The following DDAH1 variants were observed in gnomAD, a reference collection of about 807,000 sequenced individuals.
DDAH1 encodes N(G),N(G)-dimethylarginine dimethylaminohydrolase 1.
A neutral mutation model predicts 28.8 loss-of-function variants in DDAH1; 19 were observed. The ratio of observed to expected loss-of-function variants is 0.66; its 90% CI spans 0.46 to 0.97. The LOEUF (loss-of-function observed/expected upper bound fraction) is 0.97. Among genes scored for constraint, DDAH1 ranks in the 50% least tolerant of loss-of-function variants. The probability of loss-of-function intolerance (pLI) is 0.00; values close to 1 mark genes in which losing one functional copy is unlikely to be tolerated. For missense variants in DDAH1, 326 were observed against 375.9 expected, an observed-to-expected ratio of 0.87 and a Z score of 1.10; for synonymous variants, 153 against 154.4, an observed-to-expected ratio of 0.99 and a Z score of 0.07.
chr1:85,572,902 T>A (rs1258085900), intron 1 of DDAH1, among the ~76,000 whole-genome samples: 1 of 152,270 alleles, frequency 6.6e-6, no homozygotes, highest in African/African-American at 2.4e-5. Flanking sequence ...CCAGAATACC[T>A]GGCTGGATGG....
chr1:85,395,345 T>C (rs1184498234), intron 1 of DDAH1, among the ~76,000 whole-genome samples: 6 of 152,160 alleles, frequency 3.9e-5, no homozygotes, highest in Non-Finnish European at 8.8e-5. Flanking sequence ...AAGTAAATTT[T>C]TGCCCTAAGG....
intron 1 of DDAH1, among the ~76,000 whole-genome samples, chr1:85,529,801 T>C (rs1658018045): frequency 6.7e-6 from 1 of 148,320 alleles, no homozygotes; most frequent in African/African-American, 2.5e-5. Context: ...AACAATGTGT[T>C]GAGGGAAGGA....
chr1:85,503,609 T>C (rs1435759604), intron 1 of DDAH1, among the ~76,000 whole-genome samples: 2 of 151,908 alleles, frequency 1.3e-5, no homozygotes, highest in African/African-American at 4.8e-5. Flanking sequence ...ACTAAGCCCA[T>C]GAAGGTACCA....
intron 1 of DDAH1, among the ~76,000 whole-genome samples, chr1:85,417,022 T>C (rs1216359761): frequency 1.3e-5 from 2 of 152,196 alleles, no homozygotes; most frequent in African/African-American, 4.8e-5. Flanking sequence ...TACCGGGTAG[T>C]GGTCCTACAT....
In DDAH1 at chr1:85,464,389, C is replaced by T. The variant is rs912846355; in HGVS notation, c.303+354G>A. Reference sequence around the variant, plus strand: ...CACCCGCCCTACCGGAGCGGCACCCCTCGCGGCCCTCGCTCCCTGGGAAAC... The same window carrying T: ...CACCCGCCCTACCGGAGCGGCACCCTTCGCGGCCCTCGCTCCCTGGGAAAC... On this transcript the variant is annotated intron_variant, in intron 1 of 5. Transcript: ENST00000284031. The surrounding 1 kb of genome is among the most constrained non-coding windows in gnomAD (Gnocchi z 4.4). The T allele has an allele frequency of 4.6e-6, 5 of 1,091,538 alleles. No homozygotes were observed. In the African/African-American group the frequency reaches 7.9e-5, roughly 17 times the overall value. The allele number at this position is 1,091,538 out of a possible 1,614,324, so 67.6% of individuals were successfully genotyped here. A position where few individuals can be genotyped will look rare whatever the true frequency, so the allele number is the denominator to read the frequency against.
At chr1:85,345,684 G>A (rs1325190145) in intron 4 of DDAH1, among the ~76,000 whole-genome samples, 1 of 152,174 alleles carries the variant, frequency 6.6e-6, no homozygotes, top group African/African-American at 2.4e-5. Flanking sequence ...GGCCAACACG[G>A]TGAAACCCCA....
At chr1:85,481,488 T>C (rs953067846) in intron 2 of DDAH1, among the ~76,000 whole-genome samples, 10 of 152,226 alleles carry the variant, frequency 6.6e-5, no homozygotes, top group African/African-American at 1.7e-4. Flanking sequence ...TATAGTTACA[T>C]ACAAGATGTT....
intron 1 of DDAH1, among the ~76,000 whole-genome samples, chr1:85,387,847 C>T (rs879397078): frequency 2.0e-5 from 3 of 152,112 alleles, no homozygotes; most frequent in Non-Finnish European, 4.4e-5. Flanking sequence ...GTACAAGAAG[C>T]GTTGCACCAG....
At chr1:85,554,276 G>GTT (rs368410411) in intron 1 of DDAH1, among the ~76,000 whole-genome samples, 32,416 of 110,390 alleles carry the variant, frequency 0.29, 5,076 homozygotes, top group South Asian at 0.43. Flanking sequence ...AATTGTAAGA[G>GTT]TTTTTTTTTT....
intron 1 of DDAH1, among the ~76,000 whole-genome samples, chr1:85,405,661 T>C (rs1376962047): frequency 6.6e-6 from 1 of 151,196 alleles, no homozygotes; most frequent in Non-Finnish European, 1.5e-5. Context: ...TTTATAGCAG[T>C]GAATAGTAAA....
At chr1:85,436,230 TA>T (rs75216318) in intron 1 of DDAH1, among the ~76,000 whole-genome samples, 27,802 of 151,960 alleles carry the variant, frequency 0.18, 2,893 homozygotes, top group East Asian at 0.27. Flanking sequence ...TGTGATAATT[TA>T]AAAAATTTTT....
intron 1 of DDAH1, among the ~76,000 whole-genome samples, chr1:85,385,844 G>T (rs1183358498): frequency 6.6e-6 from 1 of 152,154 alleles, no homozygotes; most frequent in Non-Finnish European, 1.5e-5. Context: ...ATATCCATCT[G>T]GGAAGGGCTT....
At chr1:85,463,352 AT>A (rs1655208145) in intron 1 of DDAH1, among the ~76,000 whole-genome samples, 1 of 152,238 alleles carries the variant, frequency 6.6e-6, no homozygotes, top group Non-Finnish European at 1.5e-5. Flanking sequence ...AAAGAGTGCC[AT>A]TTTGAAAGGG....
chr1:85,418,877 G>A (rs1290265590), intron 1 of DDAH1, among the ~76,000 whole-genome samples: 1 of 152,142 alleles, frequency 6.6e-6, no homozygotes, highest in Non-Finnish European at 1.5e-5. Context: ...TTATAGGTCA[G>A]GACAGGAGAA....
At chr1:85,501,964 C>T (rs1410634542) in intron 1 of DDAH1, among the ~76,000 whole-genome samples, 3 of 152,140 alleles carry the variant, frequency 2.0e-5, no homozygotes, top group East Asian at 3.8e-4. Flanking sequence ...CTACCTTCTC[C>T]TCCTCTTTAT....
At chr1:85,444,868 T>C (rs1204845692) in intron 1 of DDAH1, among the ~76,000 whole-genome samples, 1 of 152,140 alleles carries the variant, frequency 6.6e-6, no homozygotes, top group African/African-American at 2.4e-5. Flanking sequence ...GGAATAGATA[T>C]ATAAATAAAA....
Position 85,500,284 on chromosome 1 carries a change from C to T in DDAH1, c.-122-4003G>A, listed in dbSNP as rs542284484. Among the ~76,000 whole-genome samples, 85 of 149,606 alleles carry T rather than the reference C, an allele frequency of 5.7e-4. 1 individual carries two copies. Among genetic ancestry groups the T allele is most frequent in the African/African-American group, 2.0e-3 (81 of 40,554 alleles). On this transcript the variant is annotated intron_variant, in intron 1 of 6. Coordinates refer to the DDAH1 transcript ENST00000426972. ...CCTGTCTCTCTCCCTTCTTCCCTTC[C>T]CATTTTCTCTTCTTTTCTTACTTTC...
At chr1:85,398,788 A>G (rs1570485195) in intron 1 of DDAH1, 1 of 152,222 alleles carries the variant, frequency 6.6e-6, no homozygotes, top group Non-Finnish European at 1.5e-5. Flanking sequence ...GAATAAGGCT[A>G]TGGTTAAAGT....
Position 85,319,263 on chromosome 1 carries a change from T to C in DDAH1, c.*2189A>G, listed in dbSNP as rs1661225766. ...TGCAATGTAGAAGAGGCACACAGAG[T>C]CTAAGTGATTTCTCCAGACAAAAGA... On this transcript the variant is annotated 3_prime_UTR_variant, in exon 6 of 6. Coordinates refer to ENST00000284031, the MANE Select transcript of DDAH1 (RefSeq NM_012137.4). The C allele has an allele frequency of 6.6e-6, 1 of 151,540 alleles. No homozygotes were observed. Among genetic ancestry groups the C allele is most frequent in the South Asian group, 2.1e-4 (1 of 4,778 alleles). 9.4% of individuals were successfully genotyped at this position (151,540 alleles called of 1,614,324 possible). A position where few individuals can be genotyped will look rare whatever the true frequency, so the allele number is the denominator to read the frequency against.
Sources: allele counts gnomAD v4.1 joint callset (sites outside exome capture counted in the v4.1 genomes callset), GRCh38; gene constraint gnomAD v4.1.1; non-coding constraint Gnocchi (gnomAD v3.1); transcripts MANE v1.5; gene names NCBI Gene and HGNC (gene_info 2026-07-23, HGNC 2026-07-21).